Variants in TBXA2R observed in about 807,000 individuals in gnomAD.
TBXA2R encodes thromboxane A2 receptor, also known as prostanoid TP receptor.
In TBXA2R, 15 loss-of-function variants were observed where a neutral mutation model predicts 15.6. The ratio of observed to expected loss-of-function variants is 0.96; its 90% CI spans 0.64 to 1.48. The LOEUF is 1.48. Ranked by LOEUF, TBXA2R falls within the 40% of genes most tolerant of loss-of-function variation. TBXA2R has a pLI of 0.00. For synonymous variants in TBXA2R, 280 were observed against 241.2 expected, an observed-to-expected ratio of 1.16 and a Z score of -1.49; for missense variants, 506 against 491.4, an observed-to-expected ratio of 1.03 and a Z score of -0.28.
chr19:3,606,874 C>G lies in TBXA2R; in HGVS notation c.-428G>C, dbSNP rs1012997287. On this transcript the variant is annotated 5_prime_UTR_variant, in exon 1 of 3. Coordinates refer to ENST00000375190, the MANE Select transcript of TBXA2R (RefSeq NM_001060.6). ...GCGGCTCGCTCTCTCCGTCCAGTCT[C>G]TGTCTCCCGCTGTCTCTCATCAGCC... 6 of 152,266 alleles carry G rather than the reference C, an allele frequency of 3.9e-5. No homozygotes were observed. Among genetic ancestry groups the G allele is most frequent in the African/African-American group, 1.2e-4 (5 of 41,460 alleles). 9.4% of individuals were successfully genotyped at this position (152,266 alleles called of 1,614,324 possible). A position where few individuals can be genotyped will look rare whatever the true frequency, so the allele number is the denominator to read the frequency against.
intron 1 of TBXA2R, among the ~76,000 whole-genome samples, chr19:3,602,942 A>C: frequency 6.6e-6 from 1 of 151,910 alleles, no homozygotes; most frequent in Non-Finnish European, 1.5e-5. Flanking sequence ...AGGCTGAGGC[A>C]GGAGAATGGT....
Position 3,600,346 on chromosome 19 carries a change from C to A in TBXA2R, c.289G>T (p.Ala97Ser), listed in dbSNP as rs1271431494. The change falls in exon 2 of 3, where the codon GCC becomes TCC. Residue 97 changes from alanine to serine, a missense_variant. Coordinates refer to ENST00000375190, the MANE Select transcript of TBXA2R (RefSeq NM_001060.6). ...SQHAALFEWH[A>S]VDPGCRLCRF... Reference sequence around the variant, plus strand: ...CAGAGACGGCAGCCAGGGTCCACGGCGTGCCACTCGAAGAGCGCGGCGTGC... The same window carrying A: ...CAGAGACGGCAGCCAGGGTCCACGGAGTGCCACTCGAAGAGCGCGGCGTGC... The A allele has an allele frequency of 1.2e-6, 2 of 1,613,260 alleles. No homozygotes were observed. The highest frequency in any genetic ancestry group is 4.5e-5 in the East Asian group (2 of 44,882).
In TBXA2R at chr19:3,598,625, T is replaced by G. The variant is rs369869990; in HGVS notation, c.786+1224A>C. On this transcript the variant is annotated intron_variant, in intron 2 of 2. Transcript: ENST00000375190. ...TCTCGGCCTCTCAAAGCGCTGGGAT[T>G]ACAGACATGAGCCACCGTGGCTGGC... 2.3e-3 allele frequency among the ~76,000 whole-genome samples: 351 copies of G among 151,942 alleles called. 5 individuals carry two copies. Among genetic ancestry groups the G allele is most frequent in the African/African-American group, 7.9e-3 (327 of 41,418 alleles).
rs968310260 is a variant in TBXA2R, at chr19:3,595,652, C to T, written c.*36G>A. On this transcript the variant is annotated 3_prime_UTR_variant, in exon 3 of 3. Transcript: ENST00000375190. ...GGGCTGTCCGAGGGGCCAAGGGCTC[C>T]GCGGAAAGGCGCGGGAGGGGCGCTC... 28 of 1,538,420 alleles carry T rather than the reference C, an allele frequency of 1.8e-5. No individual in the cohort carries two copies. Among genetic ancestry groups the T allele is most frequent in the Admixed American group, 2.0e-5 (1 of 50,260 alleles).
At chr19:3,599,030 G>T (rs1328663648) in intron 2 of TBXA2R, among the ~76,000 whole-genome samples, 1 of 152,136 alleles carries the variant, frequency 6.6e-6, no homozygotes, top group East Asian at 1.9e-4. Flanking sequence ...ACAAAATAGA[G>T]GCAAAAATTG....
In TBXA2R at chr19:3,600,362, C is replaced by T. The variant is rs200912136; in HGVS notation, c.273G>A (p.Ala91=). 2.4e-5 allele frequency: 38 copies of T among 1,613,240 alleles called. No individual in the cohort carries two copies. The South Asian group carries it at 2.9e-4, about 12-fold the overall frequency. Residue 91 remains alanine (A), a synonymous_variant, in exon 2 of 3, where the codon GCG becomes GCA. Coordinates refer to ENST00000375190, the MANE Select transcript of TBXA2R (RefSeq NM_001060.6). ...TGTIVVSQHA[A]LFEWHAVDPG... is the part of the protein sequence containing the mutation. ...GGTCCACGGCGTGCCACTCGAAGAG[C>T]GCGGCGTGCTGGGACACCACGATGG...
chr19:3,598,740 C>T lies in TBXA2R; in HGVS notation c.786+1109G>A, dbSNP rs182296518. On this transcript the variant is annotated intron_variant, in intron 2 of 2. Coordinates refer to ENST00000375190, the MANE Select transcript of TBXA2R (RefSeq NM_001060.6). ...CTGGAGTGCAGTGACGTGATCTCGGCTCACTGCAACTTCCGCCTCCTGGGT... is the reference window on the plus strand; with the variant it reads ...CTGGAGTGCAGTGACGTGATCTCGGTTCACTGCAACTTCCGCCTCCTGGGT... Among the ~76,000 whole-genome samples the T allele has an allele frequency of 2.7e-3, 404 of 152,236 alleles. 1 individual carries two copies. Among genetic ancestry groups the T allele is most frequent in the African/African-American group, 6.6e-3 (275 of 41,528 alleles).
chr19:3,605,014 G>A (rs983805323), intron 1 of TBXA2R, among the ~76,000 whole-genome samples: 3 of 152,164 alleles, frequency 2.0e-5, no homozygotes, highest in Non-Finnish European at 2.9e-5. Context: ...TCCCCTCATC[G>A]CAAAGCTCCA....
In TBXA2R at chr19:3,599,971, G is replaced by A. The variant is rs1184252700; in HGVS notation, c.664C>T (p.Leu222=). 6.3e-7 allele frequency: 1 copy of A among 1,594,250 alleles called. No homozygotes were observed. The stretch of plus-strand genomic sequence containing the variant: ...TCCTGCCCGTGGTAGACGTGGCACA[G>A]GGTGGCCACGCTGACCGTGTTCAGC... The part of the protein sequence containing the change: ...FLLNTVSVAT[L]CHVYHGQEAA... Residue 222 remains leucine, a synonymous_variant, in exon 2 of 3, where the codon CTG becomes TTG. Transcript: ENST00000375190.
In TBXA2R at chr19:3,600,071, GCCCAGC is replaced by G. The variant is rs2032691143; in HGVS notation, c.558_563del (p.Leu187_Gly188del). On this transcript the variant is annotated inframe_deletion, in exon 2 of 3. Transcript: ENST00000375190. ...CGAAGGCCACGTCCCCGGACTCGGCGCCCAGCGTCAGGAAGCACCAGGACCCCGGGT... is the reference window on the plus strand; with the variant it reads ...CGAAGGCCACGTCCCCGGACTCGGCGGTCAGGAAGCACCAGGACCCCGGGT... 1 of 1,612,398 alleles carries G rather than the reference GCCCAGC, an allele frequency of 6.2e-7. No individual in the cohort carries two copies. Among genetic ancestry groups the G allele is most frequent in the African/African-American group, 1.3e-5 (1 of 74,916 alleles).
rs760411830 is a variant in TBXA2R at position 3,594,861 on chromosome 19, C to T, written c.*827G>A. 3 of 1,536,806 alleles carry T rather than the reference C, an allele frequency of 2.0e-6. No individual in the cohort carries two copies. Among genetic ancestry groups the T allele is most frequent in the African/African-American group, 1.4e-5 (1 of 73,056 alleles). On this transcript the variant is annotated 3_prime_UTR_variant, in exon 3 of 3. Coordinates refer to ENST00000375190, the MANE Select transcript of TBXA2R (RefSeq NM_001060.6). ...TCAATCCTTTCTGGACAGAGCCTTC[C>T]CTGTTGGAGGTTCAAAAGGAAGCAA...
rs546720987 is a variant in TBXA2R, at chr19:3,594,611, T to C, written c.*1077A>G. 1 of 420,966 alleles carries C rather than the reference T, an allele frequency of 2.4e-6. No individual in the cohort carries two copies. Among genetic ancestry groups the C allele is most frequent in the Non-Finnish European group, 4.3e-6 (1 of 230,436 alleles). The allele number at this position is 420,966 out of a possible 1,614,324, so 26.1% of individuals were successfully genotyped here. A position where few individuals can be genotyped will look rare whatever the true frequency, so the allele number is the denominator to read the frequency against. On this transcript the variant is annotated 3_prime_UTR_variant, in exon 3 of 3. Coordinates refer to ENST00000375190, the MANE Select transcript of TBXA2R (RefSeq NM_001060.6). ...CCATTACAGGCTGCTGGAAGAATTC[T>C]AGGTGGTACCACCCATCAAGTGATT...
chr19:3,604,271 C>G (rs976532414), intron 1 of TBXA2R, among the ~76,000 whole-genome samples: 1 of 152,150 alleles, frequency 6.6e-6, no homozygotes, highest in Admixed American at 6.5e-5. Context: ...AGTGAGTTCT[C>G]CCTCATCCGA....
At position 3,601,522 on chromosome 19, in the gene TBXA2R, C is replaced by CA. The variant is rs765982921; in HGVS notation, c.-83-806dup. Reference sequence around the variant, plus strand: ...CCTGGGCAACAGTGAGACCCTGTCTCAAAAAAAAAAAAACCAACCAACCAA... The same window carrying CA: ...CCTGGGCAACAGTGAGACCCTGTCTCAAAAAAAAAAAAAACCAACCAACCAA... On this transcript the variant is annotated intron_variant, in intron 1 of 2. Coordinates refer to ENST00000375190, the MANE Select transcript of TBXA2R (RefSeq NM_001060.6). Among the ~76,000 whole-genome samples the CA allele has an allele frequency of 3.0e-3, 327 of 109,272 alleles. 2 individuals are homozygous for CA. Among genetic ancestry groups the CA allele is most frequent in the East Asian group, 6.6e-3 (25 of 3,790 alleles). 71.7% of individuals were successfully genotyped at this position (109,272 alleles called of 152,430 possible). A position where few individuals can be genotyped will look rare whatever the true frequency, so the allele number is the denominator to read the frequency against.
intron 2 of TBXA2R, chr19:3,598,114 G>T (rs2032637026): frequency 6.6e-6 from 1 of 152,346 alleles, no homozygotes; most frequent in Non-Finnish European, 1.5e-5. Context: ...AAGCTGTGAG[G>T]AGGAAGCAAT....
At chr19:3,604,842 C>A (rs1206389733) in intron 1 of TBXA2R, among the ~76,000 whole-genome samples, 1 of 152,180 alleles carries the variant, frequency 6.6e-6, no homozygotes, top group Non-Finnish European at 1.5e-5. Context: ...CTCCGTGTCA[C>A]CCCTGTCGGC....
chr19:3,598,941 T>C (rs1036685194), intron 2 of TBXA2R, among the ~76,000 whole-genome samples: 33 of 152,212 alleles, frequency 2.2e-4, no homozygotes, highest in African/African-American at 7.5e-4. Flanking sequence ...GTGCTGGGAT[T>C]TCAGGCATGA....
chr19:3,600,135 G>A lies in TBXA2R; in HGVS notation c.500C>T (p.Pro167Leu). The change falls in exon 2 of 3, where the codon CCC becomes CTC. Residue 167 changes from proline to leucine, a missense_variant. Pro to Leu is a moderately conservative substitution (Grantham distance 98). Transcript: ENST00000375190. ...GGTGTAGCGACCCACGCCCAGCAGG[G>A]GCAGCAGGCCCAGCGCCAGCGCGGC... The part of the protein sequence containing the change: ...WAAALALGLL[P>L]LLGVGRYTVQ... 1.2e-6 allele frequency: 2 copies of A among 1,610,432 alleles called. No individual in the cohort carries two copies. The highest frequency in any genetic ancestry group is 1.1e-5 in the South Asian group (1 of 91,002).
Position 3,599,925 on chromosome 19 carries a change from C to A in TBXA2R, c.710G>T (p.Arg237Leu). The A allele has an allele frequency of 6.4e-7, 1 of 1,551,076 alleles. No individual in the cohort carries two copies. Among genetic ancestry groups the A allele is most frequent in the Non-Finnish European group, 8.7e-7 (1 of 1,147,936 alleles). Residue 237 changes from arginine to leucine, a missense_variant, in exon 2 of 3, where the codon CGG becomes CTG. By Grantham distance (102) the Arg-to-Leu change is moderately radical. Transcript: ENST00000375190. Reference sequence around the variant, plus strand: ...AGCCATCATCTCCACCTCGGAGTCCCGGGGACGCTGCTGGGCCGCCTCCTG... The same window carrying A: ...AGCCATCATCTCCACCTCGGAGTCCAGGGGACGCTGCTGGGCCGCCTCCTG... ...HGQEAAQQRP[R>L]DSEVEMMAQL...
Sources: allele counts gnomAD v4.1 joint callset (sites outside exome capture counted in the v4.1 genomes callset), GRCh38; gene constraint gnomAD v4.1.1; transcripts MANE v1.5; gene names NCBI Gene and HGNC (gene_info 2026-07-23, HGNC 2026-07-21).